Variants in PAK3 observed in about 807,000 individuals in gnomAD.
PAK3 encodes p21 (RAC1) activated kinase 3.
A neutral mutation model predicts 41.0 loss-of-function variants in PAK3; 4 were observed. The observed-to-expected ratio is 0.10, with a 90% CI of 0.05 to 0.22. The LOEUF is 0.22. Ranked by LOEUF, PAK3 falls within the 10% of genes least tolerant of loss-of-function variation. PAK3 has a pLI of 1.00. For synonymous variants in PAK3, 146 were observed against 139.6 expected (o/e 1.05, Z -0.32); for missense variants, 205 against 409.9 (o/e 0.50, Z 4.32).
rs145852681 is a variant in PAK3, at chrX:111,021,385, T to A, written c.-28+76757T>A. On this transcript the variant is annotated intron_variant, in intron 1 of 14. Transcript: ENST00000425146. Reference sequence around the variant, plus strand: ...AGGACTCTTTGCAGAAACTCCCCAGTACCAGTCTGGAGCCCAATAGCTCCA... The same window carrying A: ...AGGACTCTTTGCAGAAACTCCCCAGAACCAGTCTGGAGCCCAATAGCTCCA... Among the ~76,000 whole-genome samples, 477 of 111,911 alleles carry A rather than the reference T, an allele frequency of 4.3e-3. 1 individual carries two copies. The highest frequency in any genetic ancestry group is 0.015 in the African/African-American group (459 of 30,795).
chrX:111,182,306 G>A (rs1018023151), intron 11 of PAK3, among the ~76,000 whole-genome samples: 2 of 110,060 alleles, frequency 1.8e-5, no homozygotes, highest in African/African-American at 6.6e-5. Context: ...ATAACCCACC[G>A]AGCTCCCTGG....
chrX:111,134,259 T>C (rs919725276), intron 5 of PAK3, among the ~76,000 whole-genome samples: 75 of 111,899 alleles, frequency 6.7e-4, no homozygotes, highest in African/African-American at 2.3e-3. Context: ...CCTGAATGAA[T>C]AGAGTCATCC....
chrX:111,124,308 T>A (rs2093617967), intron 5 of PAK3, among the ~76,000 whole-genome samples: 1 of 112,120 alleles, frequency 8.9e-6, no homozygotes, highest in Admixed American at 9.5e-5. Flanking sequence ...TGAAGAATAA[T>A]GAACCACATT....
At chrX:111,170,860 A>C (rs1319457698) in intron 10 of PAK3, among the ~76,000 whole-genome samples, 1 of 111,550 alleles carries the variant, frequency 9.0e-6, no homozygotes, top group African/African-American at 3.3e-5. Flanking sequence ...ATATAAAGCT[A>C]GACTGGTTAG....
intron 1 of PAK3, among the ~76,000 whole-genome samples, chrX:111,065,316 CGT>C (rs1491375004): frequency 4.8e-5 from 1 of 20,869 alleles, no homozygotes; most frequent in African/African-American, 5.5e-5. Context: ...AAGATGATCA[CGT>C]TTTTTTTTTT....
chrX:111,182,472 G>C (rs1180370589), intron 11 of PAK3, among the ~76,000 whole-genome samples: 1 of 111,331 alleles, frequency 9.0e-6, no homozygotes, highest in African/African-American at 3.3e-5. Flanking sequence ...GCTACATTCT[G>C]TGTACTTAGA....
At chrX:111,208,085 C>T (rs748328330) in intron 16 of PAK3, among the ~76,000 whole-genome samples, 8 of 112,310 alleles carry the variant, frequency 7.1e-5, no homozygotes, top group Non-Finnish European at 1.1e-4. Flanking sequence ...TGAGCCACCA[C>T]GCCCAGCCTG....
At chrX:111,086,126 TG>T (rs1404860501) in intron 1 of PAK3, among the ~76,000 whole-genome samples, 7 of 30,701 alleles carry the variant, frequency 2.3e-4, no homozygotes, top group Admixed American at 1.5e-3. Flanking sequence ...AGGGGGGCGG[TG>T]GGGGGTGGGC....
chrX:111,044,653 C>T (rs939811353), intron 1 of PAK3, among the ~76,000 whole-genome samples: 3 of 111,913 alleles, frequency 2.7e-5, no homozygotes, highest in Non-Finnish European at 3.8e-5. Context: ...TCTCCTCTGC[C>T]GTCTGCCATT....
chrX:111,203,034 G>A (rs1277640824), intron 16 of PAK3, among the ~76,000 whole-genome samples: 1 of 111,290 alleles, frequency 9.0e-6, no homozygotes, highest in Non-Finnish European at 1.9e-5. Context: ...GCACATTGGA[G>A]TCATCTGTGG....
chrX:111,176,162 A>G (rs1464192678), intron 11 of PAK3, among the ~76,000 whole-genome samples: 2 of 110,710 alleles, frequency 1.8e-5, no homozygotes, highest in African/African-American at 6.6e-5. Context: ...GATTCAAAGA[A>G]CTGCAAAGCT....
chrX:111,063,091 C>T (rs757663967), intron 1 of PAK3, among the ~76,000 whole-genome samples: 17 of 112,145 alleles, frequency 1.5e-4, no homozygotes, highest in Non-Finnish European at 2.6e-4. Context: ...TCTCTGTCTC[C>T]CACACTTCTG....
chrX:110,994,685 A>G (rs1374706846), intron 1 of PAK3, among the ~76,000 whole-genome samples: 2 of 111,706 alleles, frequency 1.8e-5, no homozygotes, highest in African/African-American at 3.3e-5. Flanking sequence ...GAATTCCCAG[A>G]ATGCTTTAAA....
chrX:110,979,360 G>A lies in PAK3; in HGVS notation c.-28+34732G>A, dbSNP rs776354015. Among the ~76,000 whole-genome samples the A allele has an allele frequency of 8.9e-5, 8 of 90,221 alleles. No homozygotes were observed. In the South Asian group the frequency reaches 3.2e-3, roughly 36 times the overall value. The allele number at this position is 90,221 out of a possible 115,157, so 78.3% of individuals were successfully genotyped here. On this transcript the variant is annotated intron_variant, in intron 1 of 14. Transcript: ENST00000425146. ...GTCACCCAGGCTGGAGTGCAGTGGC[G>A]CCATCTCTGCCCACTGCAAGCTCTG... is the stretch of plus-strand genomic sequence containing the variant.
intron 1 of PAK3, among the ~76,000 whole-genome samples, chrX:111,057,529 C>G (rs921294258): frequency 1.6e-4 from 18 of 111,554 alleles, no homozygotes; most frequent in African/African-American, 4.6e-4. Context: ...CTTATCATAC[C>G]TACAAAAATT....
intron 11 of PAK3, among the ~76,000 whole-genome samples, chrX:111,183,231 T>G (rs1177702450): frequency 1.8e-5 from 2 of 111,553 alleles, no homozygotes; most frequent in Non-Finnish European, 3.8e-5. Context: ...ATCTAATTTA[T>G]CTCATAGAGT....
intron 3 of PAK3, chrX:111,098,716 A>G (rs2093058065): frequency 9.2e-6 from 1 of 109,031 alleles, no homozygotes; most frequent in South Asian, 4.2e-4. Context: ...CTAGACAGGT[A>G]GGTTGACTGC....
At chrX:111,027,273 C>A (rs1308728889) in intron 1 of PAK3, among the ~76,000 whole-genome samples, 2 of 109,917 alleles carry the variant, frequency 1.8e-5, no homozygotes. Flanking sequence ...ACTTCATGAC[C>A]AAGAACCGAA....
intron 1 of PAK3, among the ~76,000 whole-genome samples, chrX:110,998,786 A>G (rs751087245): frequency 1.8e-5 from 2 of 112,422 alleles, no homozygotes; most frequent in South Asian, 3.7e-4. Context: ...TGAATGGTGA[A>G]TGATCAAATG....
Sources: gnomAD v4.1 joint callset for allele counts (sites outside exome capture counted in the v4.1 genomes callset) on GRCh38, gnomAD v4.1.1 for gene constraint, MANE v1.5 for transcripts, NCBI Gene and HGNC (gene_info 2026-07-23, HGNC 2026-07-21) for gene names.